UBA3: variants seen among roughly 807,000 people sequenced by gnomAD.
UBA3 encodes the protein NEDD8-activating enzyme E1 catalytic subunit.
Under a neutral mutation model 73.5 loss-of-function variants are expected in UBA3, and 26 were observed. The ratio of observed to expected loss-of-function variants is 0.35; its 90% confidence interval spans 0.26 to 0.49. The LOEUF (loss-of-function observed/expected upper bound fraction) is 0.49. UBA3 is among the 20% of genes least tolerant of loss of function. The probability of loss-of-function intolerance (pLI) is 0.98; values close to 1 mark genes in which losing one functional copy is unlikely to be tolerated. For missense variants in UBA3, 495 were observed against 555.6 expected (o/e 0.89, Z 1.10); for synonymous variants, 217 against 191.2 (o/e 1.13, Z -1.11).
chr3:69,060,723 C>G (rs1379364734), intron 11 of UBA3, among the ~76,000 whole-genome samples: 1 of 151,950 alleles, frequency 6.6e-6, no homozygotes, highest in Non-Finnish European at 1.5e-5. Context: ...GAGGTGAGGC[C>G]TAGTGGGAGG....
At position 69,056,813 on chromosome 3, in the gene UBA3, C is replaced by A. The variant is rs757256237; in HGVS notation, c.967G>T (p.Val323Leu). Residue 323 changes from valine (V) to leucine (L), a missense_variant and splice_region_variant, in exon 13 of 18, where the codon GTG (valine) becomes TTG (leucine). Physicochemically the swap from Val to Leu is conservative, Grantham distance 32. Transcript: ENST00000361055. ...VASTNAVIAA[V>L]CATEVFKIAT... ...ATTTTAAAAACCTCAGTGGCACACA[C>A]AGCTGAAGGGAGGAGAAAATACAGG... is the stretch of plus-strand genomic sequence containing the variant. 4 of 1,612,092 alleles carry A rather than the reference C, an allele frequency of 2.5e-6. No homozygotes were observed. The Admixed American group carries it at 6.7e-5, about 27-fold the overall frequency.
At chr3:69,059,787 C>A (rs1454737861) in intron 11 of UBA3, among the ~76,000 whole-genome samples, 1 of 151,866 alleles carries the variant, frequency 6.6e-6, no homozygotes, top group African/African-American at 2.4e-5. Context: ...TCTGGTGAAC[C>A]TGGTAATGAT....
intron 17 of UBA3, 58 bp from the exon 18 acceptor site, chr3:69,055,583 A>G (rs1308910319): frequency 7.9e-7 from 1 of 1,269,452 alleles, no homozygotes; most frequent in Non-Finnish European, 1.1e-6. Flanking sequence ...AAAGGATAAT[A>G]CACATGTAAA....
intron 12 of UBA3, 86 bp downstream of exon 12, chr3:69,057,170 C>G: frequency 7.3e-7 from 1 of 1,365,460 alleles, no homozygotes; most frequent in Non-Finnish European, 1.0e-6. Context: ...AAGAAGATAT[C>G]AAATTCCTAC....
chr3:69,055,391 C>T lies in UBA3; in HGVS notation c.*46G>A. On this transcript the variant is annotated 3_prime_UTR_variant, in exon 18 of 18. Transcript: ENST00000361055. ...CATCGATTCAACTTCTTAGCATCCA[C>T]AAAGTATATTATTTCCATGAGTTTT... is the stretch of plus-strand genomic sequence containing the variant. 7.9e-7 allele frequency: 1 copy of T among 1,272,226 alleles called. No homozygotes were observed. Among genetic ancestry groups the T allele is most frequent in the Non-Finnish European group, 1.1e-6 (1 of 945,334 alleles). 78.8% of individuals were successfully genotyped at this position (1,272,226 alleles called of 1,614,324 possible).
chr3:69,065,319 T>C (rs138892759), intron 6 of UBA3, among the ~76,000 whole-genome samples: 2 of 152,232 alleles, frequency 1.3e-5, no homozygotes, highest in East Asian at 3.9e-4. Flanking sequence ...TAATATAGAT[T>C]CGCAGTAAGT....
At position 69,073,941 on chromosome 3, in the gene UBA3, T is replaced by C. The variant is rs369398988; in HGVS notation, c.264+1489A>G. Reference sequence around the variant, plus strand: ...TACAGGTGTGAGCCACCATGCCCAGTCTAGTATCATATTCTTTTTTGTTAG... The same window carrying C: ...TACAGGTGTGAGCCACCATGCCCAGCCTAGTATCATATTCTTTTTTGTTAG... On this transcript the variant is annotated intron_variant, in intron 4 of 17. Coordinates refer to ENST00000361055, the MANE Select transcript of UBA3 (RefSeq NM_003968.4). 3.4e-4 allele frequency among the ~76,000 whole-genome samples: 52 copies of C among 151,146 alleles called. 1 individual carries two copies. Among genetic ancestry groups the C allele is most frequent in the South Asian group, 2.8e-3 (13 of 4,722 alleles).
intron 5 of UBA3, among the ~76,000 whole-genome samples, chr3:69,068,575 C>CCAT (rs1575840711): frequency 6.7e-6 from 1 of 148,776 alleles, no homozygotes; most frequent in East Asian, 2.0e-4. Context: ...GCTGTAACCA[C>CCAT]GTTTTTTTCT....
At chr3:69,075,401 AT>A (rs2092156929) in intron 4 of UBA3, 28 bp downstream of exon 4, 7 of 1,117,446 alleles carry the variant, frequency 6.3e-6, no homozygotes, top group Non-Finnish European at 8.1e-6. Flanking sequence ...GAAGAAAAAA[AT>A]ATTTATATAT....
At position 69,055,219 on chromosome 3, in the gene UBA3, C is replaced by T; in HGVS notation, c.*218G>A. On this transcript the variant is annotated 3_prime_UTR_variant, in exon 18 of 18. Coordinates refer to ENST00000361055, the MANE Select transcript of UBA3 (RefSeq NM_003968.4). ...ATACATTTGCTCATAATCTCTCTCTCCAGGTATCATTTCTCATATTATTAA... is the reference window on the plus strand; with the variant it reads ...ATACATTTGCTCATAATCTCTCTCTTCAGGTATCATTTCTCATATTATTAA... The T allele has an allele frequency of 2.9e-6, 1 of 347,118 alleles. No homozygotes were observed. Among genetic ancestry groups the T allele is most frequent in the Non-Finnish European group, 5.2e-6 (1 of 191,318 alleles). 21.5% of individuals were successfully genotyped at this position (347,118 alleles called of 1,614,324 possible).
At chr3:69,061,161 T>C (rs1276472916) in intron 11 of UBA3, among the ~76,000 whole-genome samples, 1 of 152,246 alleles carries the variant, frequency 6.6e-6, no homozygotes, top group Admixed American at 6.5e-5. Flanking sequence ...AATTAGACTG[T>C]ATACAGTACT....
chr3:69,071,265 G>A lies in UBA3; in HGVS notation c.347+270C>T, dbSNP rs1302343480. The A allele has an allele frequency of 1.7e-5, 5 of 302,860 alleles. No homozygotes were observed. The Admixed American group carries it at 2.9e-4, about 17-fold the overall frequency. The allele number at this position is 302,860 out of a possible 1,614,324, so 18.8% of individuals were successfully genotyped here. A position where few individuals can be genotyped will look rare whatever the true frequency, so the allele number is the denominator to read the frequency against. On this transcript the variant is annotated intron_variant, in intron 5 of 17. Coordinates refer to ENST00000361055, the MANE Select transcript of UBA3 (RefSeq NM_003968.4). The stretch of plus-strand genomic sequence containing the variant: ...CCTTTCTTCAGAGCACAGTTAACCT[G>A]AGGATATTCCCAAAAATCACATAAA...
intron 9 of UBA3, 152 bp from the exon 10 acceptor site, chr3:69,062,331 A>G (rs2107486174): frequency 3.3e-6 from 2 of 597,934 alleles, no homozygotes; most frequent in East Asian, 5.6e-5. Flanking sequence ...ACTATAATAC[A>G]GATTAACTGA....
intron 3 of UBA3, among the ~76,000 whole-genome samples, chr3:69,076,883 T>C (rs948842816): frequency 3.3e-5 from 5 of 151,822 alleles, no homozygotes; most frequent in Non-Finnish European, 7.4e-5. Context: ...GTGAGCCACC[T>C]TACCTGGCCA....
At chr3:69,077,686 A>G (rs1270340830) in intron 3 of UBA3, 112 bp downstream of exon 3, 2 of 1,239,836 alleles carry the variant, frequency 1.6e-6, no homozygotes, top group South Asian at 2.0e-5. Context: ...TTAGTTTCAC[A>G]AAACAATTTT....
At chr3:69,060,037 C>G (rs2092009113) in intron 11 of UBA3, among the ~76,000 whole-genome samples, 1 of 152,080 alleles carries the variant, frequency 6.6e-6, no homozygotes, top group South Asian at 2.1e-4. Context: ...CCAAGAAGGT[C>G]TGATGAACAG....
chr3:69,064,188 C>T, intron 6 of UBA3, 77 bp from the exon 7 acceptor site: 1 of 1,113,346 alleles, frequency 9.0e-7, no homozygotes, highest in South Asian at 1.5e-5. Context: ...AAGGAACACA[C>T]TCTGCATATA....
At chr3:69,078,976 A>G (rs1045894504) in intron 2 of UBA3, among the ~76,000 whole-genome samples, 1 of 152,172 alleles carries the variant, frequency 6.6e-6, no homozygotes, top group Non-Finnish European at 1.5e-5. Flanking sequence ...ATTATTTTTA[A>G]TTTTCTAATT....
intron 11 of UBA3, among the ~76,000 whole-genome samples, chr3:69,058,748 CA>C (rs2091997844): frequency 6.6e-6 from 1 of 151,964 alleles, no homozygotes; most frequent in African/African-American, 2.4e-5. Flanking sequence ...GCCCTTCGAC[CA>C]AAAAAAGCTA....
Sources: allele counts gnomAD v4.1 joint callset (sites outside exome capture counted in the v4.1 genomes callset), GRCh38; gene constraint gnomAD v4.1.1; transcripts MANE v1.5; gene names NCBI Gene and HGNC (gene_info 2026-07-23, HGNC 2026-07-21).